The following TXNRD1 variants were observed in gnomAD, a reference collection of about 807,000 sequenced individuals.
TXNRD1 encodes the protein thioredoxin reductase 1, cytoplasmic.
Under a neutral mutation model 80.3 loss-of-function variants are expected in TXNRD1, and 57 were observed. The ratio of observed to expected loss-of-function variants is 0.71; its 90% CI spans 0.57 to 0.89. The LOEUF (loss-of-function observed/expected upper bound fraction) is 0.89, where lower values mean the gene tolerates loss of function less well. Among genes scored for constraint, TXNRD1 ranks in the 40% least tolerant of loss-of-function variants. The probability of loss-of-function intolerance (pLI) is 0.00; values close to 1 mark genes in which losing one functional copy is unlikely to be tolerated. For missense variants in TXNRD1, 730 were observed against 803.0 expected (o/e 0.91, Z 1.10); for synonymous variants, 291 against 285.2 (o/e 1.02, Z -0.20).
Position 104,290,720 on chromosome 12 carries a change from C to CATATATATATATATATAT in TXNRD1, c.414+1701_414+1718dup, listed in dbSNP as rs58669975. ...TCAAAAAAAAAAAAAAAGAAATATACATATATATATATATATATATATATA... is the reference window on the plus strand; with the variant it reads ...TCAAAAAAAAAAAAAAAGAAATATACATATATATATATATATATATATATATATATATATATATATATA... On this transcript the variant is annotated intron_variant, in intron 4 of 16. Transcript: ENST00000525566. 7.5e-4 allele frequency among the ~76,000 whole-genome samples: 42 copies of CATATATATATATATATAT among 55,842 alleles called. 3 individuals are homozygous for CATATATATATATATATAT. Among genetic ancestry groups the CATATATATATATATATAT allele is most frequent in the Non-Finnish European group, 1.1e-3 (32 of 29,342 alleles). The allele number at this position is 55,842 out of a possible 152,430, so 36.6% of individuals were successfully genotyped here. A position where few individuals can be genotyped will look rare whatever the true frequency, so the allele number is the denominator to read the frequency against.
At chr12:104,253,780 G>A (rs1458018605) in intron 2 of TXNRD1, among the ~76,000 whole-genome samples, 3 of 150,960 alleles carry the variant, frequency 2.0e-5, no homozygotes, top group Admixed American at 6.6e-5. Context: ...TGCAACCTCC[G>A]CCTCCTGGTT....
chr12:104,325,266 G>T, intron 10 of TXNRD1, 71 bp from the exon 11 acceptor site: 1 of 1,204,280 alleles, frequency 8.3e-7, no homozygotes. Flanking sequence ...TTAACCAGAT[G>T]GAAGGGGAAG....
intron 1 of TXNRD1, among the ~76,000 whole-genome samples, chr12:104,233,224 A>G (rs565506842): frequency 1.3e-5 from 2 of 152,366 alleles, no homozygotes; most frequent in East Asian, 1.9e-4. Flanking sequence ...AAGAGTTACT[A>G]GCAAAAAGCA....
At chr12:104,297,305 CAAAA>C (rs369240448) in intron 4 of TXNRD1, among the ~76,000 whole-genome samples, 3 of 71,054 alleles carry the variant, frequency 4.2e-5, no homozygotes, top group Non-Finnish European at 8.8e-5. Context: ...AACTCCATCT[CAAAA>C]AAAAAAAAAA....
chr12:104,218,587 C>T (rs900139209), intron 1 of TXNRD1, among the ~76,000 whole-genome samples: 3 of 151,316 alleles, frequency 2.0e-5, no homozygotes, highest in Non-Finnish European at 1.5e-5. Context: ...TATTAAAGCA[C>T]GGCTTTATAC....
At chr12:104,258,902 C>T (rs933237975) in intron 3 of TXNRD1, among the ~76,000 whole-genome samples, 27 of 152,200 alleles carry the variant, frequency 1.8e-4, no homozygotes, top group African/African-American at 6.3e-4. Context: ...TGCACTCTAG[C>T]CTGGATTACT....
intron 4 of TXNRD1, among the ~76,000 whole-genome samples, chr12:104,289,788 A>T (rs559999188): frequency 2.8e-4 from 43 of 151,676 alleles, no homozygotes; most frequent in Admixed American, 5.2e-4. Flanking sequence ...ACTGGAGTGC[A>T]GTGGCGTGAT....
chr12:104,273,243 G>A (rs2033690957), intron 3 of TXNRD1, among the ~76,000 whole-genome samples: 2 of 152,172 alleles, frequency 1.3e-5, no homozygotes, highest in African/African-American at 2.4e-5. Flanking sequence ...TCATAGTTGT[G>A]AAGCAGAGAT....
chr12:104,295,847 GC>G (rs2034419104), intron 4 of TXNRD1, among the ~76,000 whole-genome samples: 1 of 152,148 alleles, frequency 6.6e-6, no homozygotes, highest in African/African-American at 2.4e-5. Flanking sequence ...TATTCTTTAT[GC>G]CTGTGGTCCC....
intron 2 of TXNRD1, among the ~76,000 whole-genome samples, chr12:104,252,688 A>ATTT (rs2033150977): frequency 1.7e-4 from 11 of 65,740 alleles, no homozygotes; most frequent in East Asian, 1.2e-3. Flanking sequence ...ATATATATAT[A>ATTT]TATTTTTTTT....
At chr12:104,336,147 T>C (rs962632494) in intron 15 of TXNRD1, among the ~76,000 whole-genome samples, 1 of 152,242 alleles carries the variant, frequency 6.6e-6, no homozygotes, top group Non-Finnish European at 1.5e-5. Context: ...TGAGAGAGAC[T>C]TCAATTGCTC....
At chr12:104,250,307 C>G (rs978266602) in intron 1 of TXNRD1, among the ~76,000 whole-genome samples, 5 of 151,298 alleles carry the variant, frequency 3.3e-5, no homozygotes, top group Non-Finnish European at 1.5e-5. Flanking sequence ...AAGACTCTTA[C>G]AAAAAAAATA....
intron 3 of TXNRD1, among the ~76,000 whole-genome samples, chr12:104,273,673 G>A (rs2033700755): frequency 6.6e-6 from 1 of 152,200 alleles, no homozygotes; most frequent in African/African-American, 2.4e-5. Context: ...GGATCCTCAA[G>A]AGCAAGTACC....
At chr12:104,309,926 C>T (rs549788494) in intron 4 of TXNRD1, 19 of 1,536,160 alleles carry the variant, frequency 1.2e-5, no homozygotes, top group Middle Eastern at 1.7e-4. Flanking sequence ...TGAGCCACTA[C>T]GTATGCCCGC....
intron 4 of TXNRD1, chr12:104,304,034 G>A (rs942940722): frequency 5.0e-6 from 8 of 1,611,874 alleles, no homozygotes; most frequent in Non-Finnish European, 6.8e-6. Context: ...CACCGCTGAC[G>A]AGGAGAAGTG....
chr12:104,292,542 C>T (rs1207772569), intron 4 of TXNRD1, among the ~76,000 whole-genome samples: 2 of 152,050 alleles, frequency 1.3e-5, no homozygotes, highest in East Asian at 3.8e-4. Flanking sequence ...TATAGGCATG[C>T]ACCACCATGC....
intron 6 of TXNRD1, among the ~76,000 whole-genome samples, chr12:104,314,515 T>G (rs1048320224): frequency 6.6e-6 from 1 of 152,162 alleles, no homozygotes; most frequent in African/African-American, 2.4e-5. Context: ...TCAGAGGACT[T>G]ACTTTGAGCT....
chr12:104,268,082 C>T (rs1454501790), intron 3 of TXNRD1, among the ~76,000 whole-genome samples: 2 of 151,752 alleles, frequency 1.3e-5, no homozygotes, highest in African/African-American at 2.4e-5. Flanking sequence ...AACTCCTGAC[C>T]TCAGGTAATC....
At chr12:104,307,634 T>C (rs2034972378) in intron 4 of TXNRD1, among the ~76,000 whole-genome samples, 2 of 152,196 alleles carry the variant, frequency 1.3e-5, no homozygotes, top group Non-Finnish European at 2.9e-5. Flanking sequence ...CCATCTATAA[T>C]GGTAGGGGAA....
Sources: gnomAD v4.1 joint callset for allele counts (sites outside exome capture counted in the v4.1 genomes callset) on GRCh38, gnomAD v4.1.1 for gene constraint, MANE v1.5 for transcripts, NCBI Gene and HGNC (gene_info 2026-07-23, HGNC 2026-07-21) for gene names.